Variants in IL1RAPL1 observed in about 807,000 individuals in gnomAD.
IL1RAPL1 encodes the protein interleukin-1 receptor accessory protein-like 1.
IL1RAPL1 carries 3 observed loss-of-function variants against 48.4 expected under a neutral mutation model. The observed-to-expected ratio is 0.06, with a 90% CI of 0.03 to 0.16. IL1RAPL1 has a LOEUF of 0.16. Among genes scored for constraint, IL1RAPL1 ranks in the 10% least tolerant of loss-of-function variants. IL1RAPL1 has a pLI of 1.00. For synonymous variants in IL1RAPL1, 185 were observed against 187.7 expected (o/e 0.99, Z 0.12); for missense variants, 349 against 530.6 (o/e 0.66, Z 3.36).
chrX:29,265,293 A>C (rs1224467891), intron 2 of IL1RAPL1, among the ~76,000 whole-genome samples: 1 of 109,994 alleles, frequency 9.1e-6, no homozygotes, highest in East Asian at 2.8e-4. Context: ...TATTATGAAT[A>C]TAATATGAAT....
At chrX:29,460,393 T>C (rs1187534829) in intron 5 of IL1RAPL1, among the ~76,000 whole-genome samples, 1 of 112,063 alleles carries the variant, frequency 8.9e-6, no homozygotes, top group African/African-American at 3.2e-5. Context: ...TGCCGACCCA[T>C]CATATTGATC....
chrX:29,663,955 C>T, intron 5 of IL1RAPL1, among the ~76,000 whole-genome samples: 1 of 112,311 alleles, frequency 8.9e-6, no homozygotes, highest in Non-Finnish European at 1.9e-5. Context: ...TGCAGGAAGA[C>T]TATGTCACAT....
At chrX:28,923,308 C>T (rs1923660038) in intron 2 of IL1RAPL1, among the ~76,000 whole-genome samples, 1 of 110,522 alleles carries the variant, frequency 9.0e-6, no homozygotes, top group Non-Finnish European at 1.9e-5. Flanking sequence ...TCCCAAGTAG[C>T]TGGGATTACA....
chrX:28,775,095 T>G (rs1176842167), intron 1 of IL1RAPL1, among the ~76,000 whole-genome samples: 22 of 112,293 alleles, frequency 2.0e-4, no homozygotes, highest in Non-Finnish European at 5.6e-5. Context: ...TCTTCCTTTC[T>G]TTTGTTCCAT....
intron 1 of IL1RAPL1, among the ~76,000 whole-genome samples, chrX:28,702,902 T>G (rs753971187): frequency 9.0e-6 from 1 of 110,691 alleles, no homozygotes; most frequent in African/African-American, 3.3e-5. Flanking sequence ...AATTGAGACC[T>G]AAACTATTCT....
chrX:29,945,187 C>T (rs1377870435), intron 9 of IL1RAPL1, among the ~76,000 whole-genome samples: 1 of 111,676 alleles, frequency 9.0e-6, no homozygotes, highest in Non-Finnish European at 1.9e-5. Flanking sequence ...AGGCTGTAAA[C>T]CTTAGTCACA....
rs746803358 is a variant in IL1RAPL1, at chrX:29,402,950, T to C, written c.703+3642T>C. 4.5e-5 allele frequency among the ~76,000 whole-genome samples: 5 copies of C among 111,962 alleles called. No individual in the cohort carries two copies. In the South Asian group the frequency reaches 1.5e-3, roughly 33 times the overall value. ...CAACATGTCATATCAGCCTGACTTA[T>C]CACTGTTGATGTTGATCTTGATCAC... On this transcript the variant is annotated intron_variant, in intron 5 of 10. Coordinates refer to ENST00000378993, the MANE Select transcript of IL1RAPL1 (RefSeq NM_014271.4).
At chrX:29,748,632 G>A (rs1227086178) in intron 6 of IL1RAPL1, among the ~76,000 whole-genome samples, 2 of 112,855 alleles carry the variant, frequency 1.8e-5, no homozygotes, top group Non-Finnish European at 3.7e-5. Flanking sequence ...ATTTTAACTC[G>A]GGAAATATGG....
chrX:29,236,247 T>C (rs1200814483), intron 2 of IL1RAPL1, among the ~76,000 whole-genome samples: 11 of 112,204 alleles, frequency 9.8e-5, no homozygotes, highest in Non-Finnish European at 1.5e-4. Flanking sequence ...CTACTTCAGT[T>C]CACAGACTTA....
chrX:29,232,572 C>A (rs1005290445), intron 2 of IL1RAPL1, among the ~76,000 whole-genome samples: 1 of 111,728 alleles, frequency 9.0e-6, no homozygotes, highest in Non-Finnish European at 1.9e-5. Flanking sequence ...CTTACATTTA[C>A]AATCATCTGA....
rs1926915166 is a variant in IL1RAPL1, at chrX:29,044,532, TA to T, written c.83-238404del. ...AAAGATCTCATTGCTCTGTTTTTTT[TA>T]ATCCCTAATGATTAATATGTGGCCA... On this transcript the variant is annotated intron_variant, in intron 2 of 10. Coordinates refer to ENST00000378993, the MANE Select transcript of IL1RAPL1 (RefSeq NM_014271.4). Among the ~76,000 whole-genome samples the T allele has an allele frequency of 2.7e-5, 3 of 111,540 alleles. No individual in the cohort carries two copies. The South Asian group carries it at 1.1e-3, about 43-fold the overall frequency.
At chrX:29,407,390 G>A (rs1296535754) in intron 5 of IL1RAPL1, among the ~76,000 whole-genome samples, 1 of 112,123 alleles carries the variant, frequency 8.9e-6, no homozygotes, top group African/African-American at 3.2e-5. Flanking sequence ...CCCACATGTT[G>A]TGTATTCTGT....
At chrX:29,804,266 C>G (rs1434587338) in intron 6 of IL1RAPL1, among the ~76,000 whole-genome samples, 1 of 111,438 alleles carries the variant, frequency 9.0e-6, no homozygotes, top group Non-Finnish European at 1.9e-5. Context: ...TATAGGCTTA[C>G]TGTTACTTAG....
intron 2 of IL1RAPL1, among the ~76,000 whole-genome samples, chrX:29,268,400 T>A (rs766098722): frequency 9.8e-5 from 11 of 112,349 alleles, no homozygotes; most frequent in Non-Finnish European, 1.9e-4. Flanking sequence ...GAGTAAATGC[T>A]TATTTTTCAT....
At chrX:29,386,229 C>T (rs1233139234) in intron 3 of IL1RAPL1, among the ~76,000 whole-genome samples, 6 of 110,997 alleles carry the variant, frequency 5.4e-5, no homozygotes, top group Non-Finnish European at 7.5e-5. Context: ...GGGATTTCAC[C>T]GTCTTGGCCA....
At chrX:29,416,203 A>C (rs1934213768) in intron 5 of IL1RAPL1, among the ~76,000 whole-genome samples, 1 of 111,646 alleles carries the variant, frequency 9.0e-6, no homozygotes, top group African/African-American at 3.3e-5. Context: ...GAGGTTTACA[A>C]AATAGGAAAG....
intron 2 of IL1RAPL1, among the ~76,000 whole-genome samples, chrX:29,134,655 A>G (rs1023287090): frequency 9.0e-6 from 1 of 111,242 alleles, no homozygotes; most frequent in Admixed American, 9.6e-5. Context: ...TCTAGTGTCT[A>G]GCATAAATCC....
At chrX:28,980,134 G>T (rs1450527845) in intron 2 of IL1RAPL1, among the ~76,000 whole-genome samples, 7 of 112,336 alleles carry the variant, frequency 6.2e-5, no homozygotes, top group African/African-American at 2.3e-4. Flanking sequence ...ACTCTCAGGA[G>T]AGCCATGACT....
rs767768757 is a variant in IL1RAPL1 at position 29,072,822 on chromosome X, C to CT, written c.83-210113dup. 4.5e-5 allele frequency among the ~76,000 whole-genome samples: 5 copies of CT among 111,985 alleles called. No homozygotes were observed. In the East Asian group the frequency reaches 1.4e-3, roughly 32 times the overall value. On this transcript the variant is annotated intron_variant, in intron 2 of 10. Coordinates refer to ENST00000378993, the MANE Select transcript of IL1RAPL1 (RefSeq NM_014271.4). ...ATCTTTCTCCTGGTACAGGCTATCC[C>CT]TTTATTTCAAGGTTGCTAGACCTTC...
Sources: gnomAD v4.1 joint callset for allele counts (sites outside exome capture counted in the v4.1 genomes callset) on GRCh38, gnomAD v4.1.1 for gene constraint, MANE v1.5 for transcripts, NCBI Gene and HGNC (gene_info 2026-07-23, HGNC 2026-07-21) for gene names.